Variants in LRP1B observed in about 807,000 individuals in gnomAD.
The protein encoded by LRP1B is LDL receptor related protein 1B, also known as low-density lipoprotein receptor-related protein 1B.
A neutral mutation model predicts 556.6 loss-of-function variants in LRP1B; 217 were observed. The ratio of observed to expected loss-of-function variants is 0.39; its 90% CI spans 0.35 to 0.44. The LOEUF (loss-of-function observed/expected upper bound fraction) is 0.44. LRP1B is among the 20% of genes least tolerant of loss of function. The probability of loss-of-function intolerance (pLI) is 1.00; values close to 1 mark genes in which losing one functional copy is unlikely to be tolerated. For missense variants in LRP1B, 5,053 were observed against 5,620.8 expected (o/e 0.90, Z 3.23); for synonymous variants, 2,047 against 1,865.8 (o/e 1.10, Z -2.50).
Position 140,950,257 on chromosome 2 carries a change from G to C in LRP1B, c.3114C>G (p.Ala1038=), listed in dbSNP as rs756035316. ...DNDCGDFSDE[A]QINCTKEEIH... The stretch of plus-strand genomic sequence containing the variant: ...AACCTTCTTTAGTACAATTGATCTG[G>C]GCTTCATCACTGAAGTCCCCACAGT... Residue 1038 remains alanine (A), a synonymous_variant, in exon 20 of 91, where the codon GCC becomes GCG. Transcript: ENST00000389484. 6.3e-7 allele frequency: 1 copy of C among 1,596,714 alleles called. No individual in the cohort carries two copies. The highest frequency in any genetic ancestry group is 8.5e-7 in the Non-Finnish European group (1 of 1,174,742).
intron 1 of LRP1B, among the ~76,000 whole-genome samples, chr2:142,057,522 G>C (rs1415970079): frequency 1.3e-5 from 2 of 152,140 alleles, no homozygotes; most frequent in East Asian, 3.9e-4. Context: ...GAACAGTGAT[G>C]ATCTGGAAAA....
At chr2:141,354,229 A>T (rs1460748881) in intron 3 of LRP1B, among the ~76,000 whole-genome samples, 3 of 152,012 alleles carry the variant, frequency 2.0e-5, no homozygotes, top group Non-Finnish European at 4.4e-5. Flanking sequence ...AAGAAATGCA[A>T]ATCAGGTCAC....
At position 141,652,351 on chromosome 2, in the gene LRP1B, C is replaced by CT. The variant is rs549761555; in HGVS notation, c.205+157927dup. 1.4e-3 allele frequency among the ~76,000 whole-genome samples: 218 copies of CT among 152,246 alleles called. 1 individual carries two copies. Among genetic ancestry groups the CT allele is most frequent in the African/African-American group, 5.1e-3 (210 of 41,540 alleles). On this transcript the variant is annotated intron_variant, in intron 2 of 90. Transcript: ENST00000389484. Reference sequence around the variant, plus strand: ...GTTAGATAATTTTATGATGGAGCTGCTAACAGAGAAAGTAGTTATTTATCC... The same window carrying CT: ...GTTAGATAATTTTATGATGGAGCTGCTTAACAGAGAAAGTAGTTATTTATCC...
chr2:142,075,213 G>T (rs896094368), intron 1 of LRP1B, among the ~76,000 whole-genome samples: 1 of 151,994 alleles, frequency 6.6e-6, no homozygotes, highest in South Asian at 2.1e-4. Context: ...TAATAGGAAA[G>T]GTATAGGCTT....
At chr2:142,070,854 C>G (rs1705287723) in intron 1 of LRP1B, among the ~76,000 whole-genome samples, 1 of 151,920 alleles carries the variant, frequency 6.6e-6, no homozygotes, top group African/African-American at 2.4e-5. Flanking sequence ...ATATTACATA[C>G]ATTGTACCAG....
At chr2:141,116,932 C>A (rs1700919599) in intron 7 of LRP1B, among the ~76,000 whole-genome samples, 2 of 152,068 alleles carry the variant, frequency 1.3e-5, no homozygotes, top group African/African-American at 4.8e-5. Flanking sequence ...GCTCATTTTG[C>A]AACACCCTGA....
chr2:140,643,246 C>CT (rs1360549279), intron 41 of LRP1B, among the ~76,000 whole-genome samples: 2 of 151,990 alleles, frequency 1.3e-5, no homozygotes, highest in Non-Finnish European at 2.9e-5. Flanking sequence ...ACATCATAAA[C>CT]TTTTTCCTCT....
At chr2:140,694,885 T>C (rs946535459) in intron 41 of LRP1B, among the ~76,000 whole-genome samples, 10 of 152,068 alleles carry the variant, frequency 6.6e-5, no homozygotes, top group Non-Finnish European at 1.3e-4. Flanking sequence ...ATAGTGATCA[T>C]ATTTTTTTAT....
Position 141,759,268 on chromosome 2 carries a change from T to C in LRP1B, c.205+51011A>G, listed in dbSNP as rs112633825. Among the ~76,000 whole-genome samples, 715 of 152,272 alleles carry C rather than the reference T, an allele frequency of 4.7e-3. 5 individuals carry two copies. The highest frequency in any genetic ancestry group is 0.017 in the African/African-American group (686 of 41,568). ...CAAAGAATACAAGGAAGCTCTAAAC[T>C]CATTTGCAGAATGATAGAACTCATT... On this transcript the variant is annotated intron_variant, in intron 2 of 90. Transcript: ENST00000389484.
intron 1 of LRP1B, among the ~76,000 whole-genome samples, chr2:141,819,005 C>T (rs1013367710): frequency 6.6e-5 from 10 of 151,510 alleles, no homozygotes; most frequent in Admixed American, 6.6e-4. Flanking sequence ...CTTTGGGAGG[C>T]TGAGGCGGGT....
intron 41 of LRP1B, among the ~76,000 whole-genome samples, chr2:140,694,395 C>G (rs1686354607): frequency 6.6e-6 from 1 of 152,124 alleles, no homozygotes; most frequent in East Asian, 1.9e-4. Flanking sequence ...CCTTAGTAGT[C>G]TGAAGATTTT....
intron 3 of LRP1B, among the ~76,000 whole-genome samples, chr2:141,379,760 G>A (rs1303364528): frequency 6.6e-6 from 1 of 152,020 alleles, no homozygotes; most frequent in Non-Finnish European, 1.5e-5. Context: ...GAACCATAGA[G>A]AATAAAAAGA....
intron 7 of LRP1B, among the ~76,000 whole-genome samples, chr2:141,162,471 G>T (rs1468357103): frequency 6.6e-6 from 1 of 151,988 alleles, no homozygotes; most frequent in Non-Finnish European, 1.5e-5. Context: ...TGAAAACAAG[G>T]GAACCAATGT....
chr2:141,519,612 AAACC>A (rs1684462839), intron 2 of LRP1B, among the ~76,000 whole-genome samples: 4 of 151,942 alleles, frequency 2.6e-5, no homozygotes, highest in Admixed American at 6.6e-5. Context: ...AAATCAAGAG[AAACC>A]TACTAGAACT....
At chr2:140,730,518 A>C (rs1687741860) in intron 35 of LRP1B, among the ~76,000 whole-genome samples, 2 of 152,134 alleles carry the variant, frequency 1.3e-5, no homozygotes, top group Admixed American at 6.5e-5. Flanking sequence ...AACAGTTATA[A>C]TACTTTCTTA....
intron 7 of LRP1B, among the ~76,000 whole-genome samples, chr2:141,102,256 A>G (rs1196911582): frequency 6.6e-6 from 1 of 152,114 alleles, no homozygotes; most frequent in African/African-American, 2.4e-5. Context: ...AATCTCATAT[A>G]ATGATAATCA....
intron 20 of LRP1B, among the ~76,000 whole-genome samples, chr2:140,925,860 CT>C (rs1271264514): frequency 6.6e-6 from 1 of 152,060 alleles, no homozygotes; most frequent in African/African-American, 2.4e-5. Flanking sequence ...TAGCACCTTC[CT>C]TTTATAAAGA....
chr2:140,708,506 G>A (rs940861901), intron 37 of LRP1B, among the ~76,000 whole-genome samples: 1 of 149,828 alleles, frequency 6.7e-6, no homozygotes, highest in Non-Finnish European at 1.5e-5. Flanking sequence ...TTATATATAT[G>A]TATATATATA....
At chr2:141,066,442 T>C (rs774955336) in intron 7 of LRP1B, among the ~76,000 whole-genome samples, 1 of 152,012 alleles carries the variant, frequency 6.6e-6, no homozygotes, top group Non-Finnish European at 1.5e-5. Context: ...GACAGAGCAC[T>C]GTGCTTACAG....
Sources: gnomAD v4.1 joint callset for allele counts (sites outside exome capture counted in the v4.1 genomes callset) on GRCh38, gnomAD v4.1.1 for gene constraint, MANE v1.5 for transcripts, NCBI Gene and HGNC (gene_info 2026-07-23, HGNC 2026-07-21) for gene names.